Variants in TCF25 observed in about 807,000 individuals in gnomAD.
TCF25 encodes the protein ribosome quality control complex subunit TCF25.
In TCF25, 41 loss-of-function variants were observed where a neutral mutation model predicts 83.1. The observed-to-expected ratio is 0.49, with a 90% CI of 0.38 to 0.64. The LOEUF is 0.64. Ranked by LOEUF, TCF25 falls within the 30% of genes least tolerant of loss-of-function variation. The pLI is 0.00. For missense variants in TCF25, 979 were observed against 914.5 expected (o/e 1.07, Z -0.91); for synonymous variants, 458 against 365.0 (o/e 1.25, Z -2.90).
chr16:89,895,869 TC>T, intron 8 of TCF25, 120 bp from the exon 9 acceptor site: 1 of 831,094 alleles, frequency 1.2e-6, no homozygotes, highest in Non-Finnish European at 1.9e-6. Context: ...CCTCTCAGTG[TC>T]CAGGACTCTA....
chr16:89,898,331 CGCTGAGCAGTGTGT>C (rs1567723268), intron 9 of TCF25, among the ~76,000 whole-genome samples: 4 of 147,682 alleles, frequency 2.7e-5, no homozygotes, highest in African/African-American at 1.0e-4. Context: ...CTGACTGGGG[CGCTGAGCAGTGTGT>C]GGGGTGGAGC....
chr16:89,895,121 G>A lies in TCF25; in HGVS notation c.912G>A (p.Met304Ile), dbSNP rs1218153398. 4 of 1,612,824 alleles carry A rather than the reference G, an allele frequency of 2.5e-6. No individual in the cohort carries two copies. Among genetic ancestry groups the A allele is most frequent in the Non-Finnish European group, 3.4e-6 (4 of 1,179,572 alleles). The change falls in exon 8 of 18, where the codon ATG becomes ATA. Residue 304 changes from methionine to isoleucine, a missense_variant. Physicochemically the swap from Met to Ile is conservative, Grantham distance 10 (BLOSUM62 1). Coordinates refer to ENST00000263346, the MANE Select transcript of TCF25 (RefSeq NM_014972.3). ...DACRFQEDQE[M>I]ARDLVERALY... The stretch of plus-strand genomic sequence containing the variant: ...GCCGCTTTCAAGAGGATCAGGAGAT[G>A]GCTCGAGACCTCGTAGGTAAGGCAG...
chr16:89,910,457 G>A, intron 16 of TCF25, 134 bp from the exon 17 acceptor site: 2 of 827,858 alleles, frequency 2.4e-6, no homozygotes, highest in Admixed American at 2.1e-5. Flanking sequence ...GTGCTCAGCT[G>A]CTGCTGCTCT....
At chr16:89,875,319 C>T (rs1025580762) in intron 1 of TCF25, among the ~76,000 whole-genome samples, 1 of 151,940 alleles carries the variant, frequency 6.6e-6, no homozygotes, top group African/African-American at 2.4e-5. Flanking sequence ...ATATCTTTGC[C>T]TTTTTATAGG....
chr16:89,895,240 T>C, intron 8 of TCF25, 103 bp downstream of exon 8: 1 of 1,072,644 alleles, frequency 9.3e-7, no homozygotes, highest in Middle Eastern at 2.1e-4. Flanking sequence ...AGGATATCCA[T>C]GACAGCTTTA....
chr16:89,906,089 G>A, intron 14 of TCF25, 105 bp from the exon 15 acceptor site: 1 of 975,064 alleles, frequency 1.0e-6, no homozygotes, highest in Non-Finnish European at 1.5e-6. Context: ...CAGAGATGCA[G>A]CGAGATGCCT....
At chr16:89,904,719 C>T in intron 13 of TCF25, 1 of 691,746 alleles carries the variant, frequency 1.4e-6, no homozygotes. Context: ...TGACGTCAGT[C>T]CTGCTTCCTA....
intron 1 of TCF25, among the ~76,000 whole-genome samples, chr16:89,882,658 C>G (rs1025042733): frequency 1.3e-5 from 2 of 152,204 alleles, no homozygotes; most frequent in African/African-American, 4.8e-5. Context: ...GCGATCTTGA[C>G]TCACAGCAAC....
intron 12 of TCF25, among the ~76,000 whole-genome samples, chr16:89,903,276 C>T (rs767502107): frequency 2.0e-5 from 3 of 152,274 alleles, no homozygotes; most frequent in Non-Finnish European, 4.4e-5. Context: ...CGTTCCCCTA[C>T]ATGGCGGCCT....
At chr16:89,907,007 C>T (rs2044846979) in intron 15 of TCF25, among the ~76,000 whole-genome samples, 1 of 152,094 alleles carries the variant, frequency 6.6e-6, no homozygotes, top group South Asian at 2.1e-4. Flanking sequence ...GTGTGCAGGG[C>T]AGACGCCGTG....
rs1428007990 is a variant in TCF25 at position 89,911,352 on chromosome 16, T to C, written c.*114T>C. 5 of 1,376,628 alleles carry C rather than the reference T, an allele frequency of 3.6e-6. No individual in the cohort carries two copies. The highest frequency in any genetic ancestry group is 5.0e-6 in the Non-Finnish European group (5 of 999,006). The allele number at this position is 1,376,628 out of a possible 1,614,324, so 85.3% of individuals were successfully genotyped here. On this transcript the variant is annotated 3_prime_UTR_variant, in exon 18 of 18. Transcript: ENST00000263346. ...CTGAGTGTGTCGCTCCCTGGTCCAC[T>C]GTTTCTCCTATAAATGTAAATGGGT... is the stretch of plus-strand genomic sequence containing the variant.
In TCF25 at chr16:89,892,193, G is replaced by A. The variant is rs140767122; in HGVS notation, c.615G>A (p.Arg205=). The A allele has an allele frequency of 3.0e-5, 49 of 1,608,446 alleles. No individual in the cohort carries two copies. Among genetic ancestry groups the A allele is most frequent in the Non-Finnish European group, 3.8e-5 (45 of 1,177,570 alleles). Reference sequence around the variant, plus strand: ...TGTACCTGTGTCCCGTTCTCCCCAGGCCACGGCAGAGACAACGTGTGTACC... The same window carrying A: ...TGTACCTGTGTCCCGTTCTCCCCAGACCACGGCAGAGACAACGTGTGTACC... The part of the protein sequence containing the change: ...FGARAILGEQ[R]PRQRQRVYPK... Residue 205 remains arginine (R), a splice_region_variant and synonymous_variant, in exon 6 of 18, where the codon AGG becomes AGA. Coordinates refer to ENST00000263346, the MANE Select transcript of TCF25 (RefSeq NM_014972.3).
chr16:89,894,769 C>T (rs893301424), intron 7 of TCF25, among the ~76,000 whole-genome samples: 1 of 152,110 alleles, frequency 6.6e-6, no homozygotes, highest in Non-Finnish European at 1.5e-5. Context: ...CTCAGCCTTC[C>T]GAGTAACTGG....
chr16:89,896,057 G>T lies in TCF25; in HGVS notation c.996G>T (p.Arg332=). ...PLFSLTSGAC[R]LDYRRPENRS... is the part of the protein sequence containing the mutation. ...TCAGTCTCACCAGTGGGGCCTGCCGGCTGGATTACCGCAGACCCGAGAACA... is the reference window on the plus strand; with the variant it reads ...TCAGTCTCACCAGTGGGGCCTGCCGTCTGGATTACCGCAGACCCGAGAACA... Residue 332 remains arginine, a synonymous_variant, in exon 9 of 18, where the codon CGG becomes CGT. Coordinates refer to ENST00000263346, the MANE Select transcript of TCF25 (RefSeq NM_014972.3). 2 of 1,613,782 alleles carry T rather than the reference G, an allele frequency of 1.2e-6. No individual in the cohort carries two copies. The highest frequency in any genetic ancestry group is 1.7e-6 in the Non-Finnish European group (2 of 1,179,970).
At chr16:89,911,058 C>T (rs369598080) in intron 17 of TCF25, 22 bp from the exon 18 acceptor site, 207 of 1,609,428 alleles carry the variant, frequency 1.3e-4, no homozygotes, top group Non-Finnish European at 1.6e-4. Flanking sequence ...GCCCCCTTCT[C>T]AGACATGTCC....
intron 12 of TCF25, 22 bp downstream of exon 12, chr16:89,900,816 C>T (rs2044262393): frequency 6.4e-7 from 1 of 1,554,112 alleles, no homozygotes; most frequent in African/African-American, 1.3e-5. Flanking sequence ...CTGTGTCTCG[C>T]CTGGGGTAGG....
chr16:89,887,763 C>G (rs778891544), intron 5 of TCF25, 46 bp downstream of exon 5: 27 of 1,498,306 alleles, frequency 1.8e-5, no homozygotes, highest in Non-Finnish European at 2.4e-5. Flanking sequence ...TTCATTCCTT[C>G]TTAGACTCTT....
chr16:89,893,578 G>A, intron 6 of TCF25, 150 bp from the exon 7 acceptor site: 1 of 1,248,744 alleles, frequency 8.0e-7, no homozygotes, highest in Non-Finnish European at 1.1e-6. Flanking sequence ...AAGGTGTCCG[G>A]AGCTGGTGAC....
intron 7 of TCF25, among the ~76,000 whole-genome samples, chr16:89,894,331 T>C (rs1322048202): frequency 7.3e-6 from 1 of 136,166 alleles, no homozygotes; most frequent in African/African-American, 3.2e-5. Context: ...ACAGCCCTCA[T>C]GCAGCCCCTG....
Sources: allele counts gnomAD v4.1 joint callset (sites outside exome capture counted in the v4.1 genomes callset), GRCh38; gene constraint gnomAD v4.1.1; transcripts MANE v1.5; gene names NCBI Gene and HGNC (gene_info 2026-07-23, HGNC 2026-07-21).